PLEKHA6: variants seen among roughly 807,000 people sequenced by gnomAD.
The protein encoded by PLEKHA6 is pleckstrin homology domain-containing family A member 6.
Under a neutral mutation model 116.7 loss-of-function variants are expected in PLEKHA6, and 60 were observed. The ratio of observed to expected loss-of-function variants is 0.51; its 90% CI spans 0.42 to 0.64. The LOEUF (loss-of-function observed/expected upper bound fraction) is 0.64, where lower values mean the gene tolerates loss of function less well. Ranked by LOEUF, PLEKHA6 falls within the 30% of genes least tolerant of loss-of-function variation. PLEKHA6 has a pLI of 0.00. For synonymous variants in PLEKHA6, 489 were observed against 556.1 expected (o/e 0.88, Z 1.70); for missense variants, 1,338 against 1,422.7 (o/e 0.94, Z 0.96).
chr1:204,241,122 T>C (rs552629666), intron 17 of PLEKHA6, among the ~76,000 whole-genome samples: 3 of 152,298 alleles, frequency 2.0e-5, no homozygotes, highest in South Asian at 2.1e-4. Context: ...TTTACACATA[T>C]ATATTATATA....
rs539538690 is a variant in PLEKHA6, at chr1:204,261,008, G to A, written c.524+298C>T. Among the ~76,000 whole-genome samples the A allele has an allele frequency of 1.8e-4, 27 of 152,260 alleles. No individual in the cohort carries two copies. The highest frequency in any genetic ancestry group is 6.3e-4 in the African/African-American group (26 of 41,556). On this transcript the variant is annotated intron_variant, in intron 7 of 22. Coordinates refer to ENST00000272203, the MANE Select transcript of PLEKHA6 (RefSeq NM_014935.5). The surrounding 1 kb of genome is among the most constrained non-coding windows in gnomAD (Gnocchi z 4.0). ...GGCGGTGTGCTTAACACACACAGCC[G>A]AGAAAAACCAGCAAATGACCCTGAC...
chr1:204,313,330 A>T (rs780670803), intron 1 of PLEKHA6, among the ~76,000 whole-genome samples: 2 of 152,122 alleles, frequency 1.3e-5, no homozygotes, highest in African/African-American at 4.8e-5. Context: ...AGGCCTCCCC[A>T]CACAGCTCAT....
At chr1:204,225,031 G>A (rs574620967) in intron 21 of PLEKHA6, among the ~76,000 whole-genome samples, 53 of 152,286 alleles carry the variant, frequency 3.5e-4, no homozygotes, top group African/African-American at 1.2e-3. Flanking sequence ...GTGTTGACTC[G>A]CTGGGTTTCT....
At chr1:204,303,896 G>T (rs1572141639) in intron 1 of PLEKHA6, among the ~76,000 whole-genome samples, 1 of 151,938 alleles carries the variant, frequency 6.6e-6, no homozygotes, top group Admixed American at 6.6e-5. Flanking sequence ...GTATTTTTTT[G>T]TAGAGACGGG....
At chr1:204,269,756 C>G (rs115020984) in intron 3 of PLEKHA6, among the ~76,000 whole-genome samples, 141 of 152,302 alleles carry the variant, frequency 9.3e-4, no homozygotes, top group African/African-American at 3.3e-3. Flanking sequence ...AGGCTAAACA[C>G]TTCTAACCCA....
intron 1 of PLEKHA6, among the ~76,000 whole-genome samples, chr1:204,334,744 C>T (rs544754376): frequency 2.0e-5 from 3 of 152,010 alleles, no homozygotes; most frequent in South Asian, 4.2e-4. Context: ...ACTGAAAATA[C>T]AAAAATTAGC....
chr1:204,298,594 G>A (rs778160293), intron 1 of PLEKHA6, among the ~76,000 whole-genome samples: 1 of 152,178 alleles, frequency 6.6e-6, no homozygotes, highest in Non-Finnish European at 1.5e-5. Context: ...AGAGCCAAGC[G>A]AGAGGAGTTG....
chr1:204,326,697 T>C (rs1272057011), intron 1 of PLEKHA6, among the ~76,000 whole-genome samples: 1 of 152,250 alleles, frequency 6.6e-6, no homozygotes, highest in Non-Finnish European at 1.5e-5. Context: ...GGGATTAAGC[T>C]AGAGAATTAA....
chr1:204,341,886 T>C (rs1027476816), intron 1 of PLEKHA6, among the ~76,000 whole-genome samples: 4 of 152,174 alleles, frequency 2.6e-5, no homozygotes, highest in African/African-American at 9.7e-5. Flanking sequence ...ACAATCTATA[T>C]TTTTTTAAAT....
At chr1:204,269,433 G>T (rs1345046070) in intron 3 of PLEKHA6, among the ~76,000 whole-genome samples, 1 of 113,930 alleles carries the variant, frequency 8.8e-6, no homozygotes, top group African/African-American at 3.1e-5. Context: ...CCAGATTATG[G>T]TGCTGCTGGA....
intron 1 of PLEKHA6, among the ~76,000 whole-genome samples, chr1:204,345,139 G>A (rs1672989683): frequency 6.6e-6 from 1 of 152,162 alleles, no homozygotes; most frequent in Non-Finnish European, 1.5e-5. Flanking sequence ...GCCAATTAAA[G>A]GACACTTTTA....
intron 1 of PLEKHA6, among the ~76,000 whole-genome samples, chr1:204,315,579 A>AC (rs1671827734): frequency 1.3e-5 from 2 of 151,306 alleles, no homozygotes; most frequent in Non-Finnish European, 2.9e-5. Flanking sequence ...TCAGTTAAAC[A>AC]CCCCCAGCCC....
intron 1 of PLEKHA6, among the ~76,000 whole-genome samples, chr1:204,336,480 C>A (rs1265166613): frequency 6.6e-6 from 1 of 152,198 alleles, no homozygotes; most frequent in Non-Finnish European, 1.5e-5. Flanking sequence ...ATACAAGTCA[C>A]TGGTGCCACA....
chr1:204,229,281 C>T (rs1459932059), intron 18 of PLEKHA6, among the ~76,000 whole-genome samples, 177 bp from the exon 19 acceptor site: 2 of 152,210 alleles, frequency 1.3e-5, no homozygotes, highest in African/African-American at 2.4e-5. Context: ...CAAAGCCTGC[C>T]CACCTGCTAG....
intron 1 of PLEKHA6, among the ~76,000 whole-genome samples, chr1:204,294,919 G>A (rs17405517): frequency 0.21 from 31,281 of 152,134 alleles, 3,672 homozygotes; most frequent in South Asian, 0.29. Context: ...TTATCCTTAG[G>A]AGACAGTGGC....
At chr1:204,376,894 G>A (rs1204425410) in intron 1 of PLEKHA6, among the ~76,000 whole-genome samples, 1 of 152,188 alleles carries the variant, frequency 6.6e-6, no homozygotes, top group Admixed American at 6.5e-5. Context: ...TAGTAGAAGC[G>A]AGCCAAAAGA....
chr1:204,251,067 G>C (rs146720229), intron 9 of PLEKHA6, among the ~76,000 whole-genome samples: 28 of 152,318 alleles, frequency 1.8e-4, no homozygotes, highest in Admixed American at 5.2e-4. Context: ...ACCTGGGCTT[G>C]TGTCTAAACA....
chr1:204,377,099 A>G (rs552457733), intron 1 of PLEKHA6, among the ~76,000 whole-genome samples: 2 of 152,252 alleles, frequency 1.3e-5, no homozygotes, highest in Admixed American at 1.3e-4. Context: ...GGAGAGGAGA[A>G]CTGCTGTCCT....
rs1366888940 is a variant in PLEKHA6, at chr1:204,328,956, G to A, written c.-95+30738C>T. ...CAAAGCCAAACAACTAGACAGTGGT[G>A]GAGCCACAGTCCGCAGCCAACCCAG... On this transcript the variant is annotated intron_variant, in intron 1 of 22. Coordinates refer to ENST00000272203, the MANE Select transcript of PLEKHA6 (RefSeq NM_014935.5). 2.0e-5 allele frequency among the ~76,000 whole-genome samples: 3 copies of A among 152,162 alleles called. No homozygotes were observed. In the East Asian group the frequency reaches 5.8e-4, roughly 29 times the overall value.
Sources: allele counts gnomAD v4.1 joint callset (sites outside exome capture counted in the v4.1 genomes callset), GRCh38; gene constraint gnomAD v4.1.1; non-coding constraint Gnocchi (gnomAD v3.1); transcripts MANE v1.5; gene names NCBI Gene and HGNC (gene_info 2026-07-23, HGNC 2026-07-21).